LRRC4C: variants seen among roughly 807,000 people sequenced by gnomAD.
LRRC4C encodes the protein leucine-rich repeat-containing protein 4C.
Under a neutral mutation model 33.6 loss-of-function variants are expected in LRRC4C, and 5 were observed. The ratio of observed to expected loss-of-function variants is 0.15; its 90% CI spans 0.08 to 0.31. The LOEUF is 0.31. LRRC4C is among the 10% of genes least tolerant of loss of function. The pLI is 1.00. For synonymous variants in LRRC4C, 329 were observed against 302.0 expected (o/e 1.09, Z -0.93); for missense variants, 560 against 796.7 (o/e 0.70, Z 3.58).
At chr11:41,195,804 T>C (rs1226946388) in intron 1 of LRRC4C, among the ~76,000 whole-genome samples, 1 of 152,088 alleles carries the variant, frequency 6.6e-6, no homozygotes, top group East Asian at 1.9e-4. Context: ...TCCTTTATTG[T>C]GTCTTCCTTT....
At position 40,324,942 on chromosome 11, in the gene LRRC4C, G is replaced by T. The variant is rs181165204; in HGVS notation, c.-269-5221C>A. ...TGAAGCTGAATATTCCACTTCATAG[G>T]CTTATTTTGAGGACTAAATGAATTA... On this transcript the variant is annotated intron_variant, in intron 3 of 6. Transcript: ENST00000528697. Among the ~76,000 whole-genome samples the T allele has an allele frequency of 4.6e-5, 7 of 152,236 alleles. No homozygotes were observed. In the East Asian group the frequency reaches 1.2e-3, roughly 25 times the overall value.
chr11:41,135,722 T>C (rs539769734), intron 1 of LRRC4C, among the ~76,000 whole-genome samples: 5 of 152,334 alleles, frequency 3.3e-5, no homozygotes, highest in African/African-American at 9.6e-5. Context: ...ACAACACTTA[T>C]GCCTTCGTTC....
At chr11:40,425,443 T>C (rs1464501254) in intron 3 of LRRC4C, among the ~76,000 whole-genome samples, 2 of 152,192 alleles carry the variant, frequency 1.3e-5, no homozygotes, top group Non-Finnish European at 2.9e-5. Context: ...CTGTTAGCCT[T>C]ACAAAGGTTC....
At chr11:40,803,143 C>T (rs558586446) in intron 2 of LRRC4C, among the ~76,000 whole-genome samples, 1 of 152,246 alleles carries the variant, frequency 6.6e-6, no homozygotes, top group South Asian at 2.1e-4. Flanking sequence ...GTAATATTTG[C>T]TATGTGACAG....
At chr11:41,081,514 C>A (rs75875423) in intron 1 of LRRC4C, among the ~76,000 whole-genome samples, 2,934 of 152,124 alleles carry the variant, frequency 0.019, 100 homozygotes, top group African/African-American at 0.067. Context: ...GCCTGCTAAA[C>A]TTCTCTCCTT....
chr11:40,449,904 C>G (rs2902097), intron 3 of LRRC4C, among the ~76,000 whole-genome samples: 54,546 of 151,962 alleles, frequency 0.36, 10,320 homozygotes, highest in East Asian at 0.52. Flanking sequence ...CTGTCCAGAA[C>G]TCACCCTGAG....
At chr11:40,169,692 T>C (rs1859884291) in intron 5 of LRRC4C, among the ~76,000 whole-genome samples, 1 of 152,296 alleles carries the variant, frequency 6.6e-6, no homozygotes, top group South Asian at 2.1e-4. Flanking sequence ...TGTAAAGGGT[T>C]GTAAGCTATG....
chr11:40,299,881 T>A (rs993517), intron 4 of LRRC4C, among the ~76,000 whole-genome samples: 13,255 of 152,238 alleles, frequency 0.087, 683 homozygotes, highest in Admixed American at 0.1. Context: ...GCTACCTCAA[T>A]GTGGGGCCAG....
intron 1 of LRRC4C, among the ~76,000 whole-genome samples, chr11:41,373,007 T>C (rs1371397006): frequency 1.3e-5 from 2 of 152,152 alleles, no homozygotes; most frequent in Non-Finnish European, 1.5e-5. Context: ...TACTTTTCCA[T>C]TTTTGTACAG....
intron 1 of LRRC4C, among the ~76,000 whole-genome samples, chr11:40,991,922 G>A (rs1853600639): frequency 6.6e-6 from 1 of 152,088 alleles, no homozygotes; most frequent in Admixed American, 6.6e-5. Flanking sequence ...CCACCAACTG[G>A]TGCTGTGCAA....
At chr11:40,908,870 CAACA>C (rs1956542040) in intron 2 of LRRC4C, among the ~76,000 whole-genome samples, 1 of 152,134 alleles carries the variant, frequency 6.6e-6, no homozygotes, top group African/African-American at 2.4e-5. Flanking sequence ...TAATTCAATT[CAACA>C]AACATTTATT....
chr11:40,956,144 A>G (rs1214922739), intron 1 of LRRC4C, among the ~76,000 whole-genome samples: 1 of 151,818 alleles, frequency 6.6e-6, no homozygotes, highest in African/African-American at 2.4e-5. Flanking sequence ...TGAGGGTAGC[A>G]CAAGTGACGG....
chr11:40,294,146 A>C (rs568402019), intron 4 of LRRC4C: 1 of 152,114 alleles, frequency 6.6e-6, no homozygotes, highest in South Asian at 2.1e-4. Context: ...TCTGCTTGTG[A>C]TCAGTAAAAT....
chr11:40,431,405 A>AT, intron 3 of LRRC4C, among the ~76,000 whole-genome samples: 1 of 151,576 alleles, frequency 6.6e-6, no homozygotes, highest in East Asian at 2.0e-4. Context: ...AAAAAAAAAA[A>AT]AAAAAAATCA....
In LRRC4C at chr11:40,602,862, T is replaced by C. The variant is rs12221830; in HGVS notation, c.-270+45280A>G. Among the ~76,000 whole-genome samples, 4 of 152,282 alleles carry C rather than the reference T, an allele frequency of 2.6e-5. No homozygotes were observed. In the East Asian group the frequency reaches 5.8e-4, roughly 22 times the overall value. On this transcript the variant is annotated intron_variant, in intron 3 of 6. Coordinates refer to ENST00000528697, the MANE Select transcript of LRRC4C (RefSeq NM_001258419.2). ...TTCACCACGTATCTGCCTCTTATCATGATTTTTGATGTTATTTTGGTCATT... is the reference window on the plus strand; with the variant it reads ...TTCACCACGTATCTGCCTCTTATCACGATTTTTGATGTTATTTTGGTCATT...
intron 5 of LRRC4C, among the ~76,000 whole-genome samples, chr11:40,220,968 C>T (rs1383772256): frequency 5.9e-5 from 9 of 151,666 alleles, no homozygotes; most frequent in East Asian, 1.9e-4. Context: ...CTCCACCTCC[C>T]GGCTTCAAGC....
intron 1 of LRRC4C, among the ~76,000 whole-genome samples, chr11:41,443,089 A>ATTTTTTTTTTTTTTTTTTTTTTTTTTT: frequency 1.9e-5 from 2 of 105,994 alleles, no homozygotes; most frequent in Non-Finnish European, 3.5e-5. Context: ...TGTTTGCTTC[A>ATTTTTTTTTTTTTTTTTTTTTTTTTTT]TTTTTTTTTT....
chr11:41,234,603 T>C (rs1239319038), intron 1 of LRRC4C, among the ~76,000 whole-genome samples: 1 of 152,006 alleles, frequency 6.6e-6, no homozygotes, highest in Non-Finnish European at 1.5e-5. Flanking sequence ...ATGCTTGATT[T>C]GGTGAATCTC....
At chr11:40,764,265 A>G (rs949839301) in intron 2 of LRRC4C, among the ~76,000 whole-genome samples, 1 of 152,164 alleles carries the variant, frequency 6.6e-6, no homozygotes, top group Non-Finnish European at 1.5e-5. Flanking sequence ...TCCTGGGATG[A>G]TTCATTTTCT....
Sources: gnomAD v4.1 joint callset for allele counts (sites outside exome capture counted in the v4.1 genomes callset) on GRCh38, gnomAD v4.1.1 for gene constraint, MANE v1.5 for transcripts, NCBI Gene and HGNC (gene_info 2026-07-23, HGNC 2026-07-21) for gene names.